Variants in SLC4A2 observed in about 807,000 individuals in gnomAD.
SLC4A2 encodes the protein anion exchange protein 2.
In SLC4A2, 36 loss-of-function variants were observed where a neutral mutation model predicts 115.0. That is an observed-to-expected ratio of 0.31 (90% CI 0.24 to 0.41). SLC4A2 has a LOEUF of 0.41. SLC4A2 is among the 10% of genes least tolerant of loss of function. The probability of loss-of-function intolerance (pLI) is 1.00; values close to 1 mark genes in which losing one functional copy is unlikely to be tolerated. For missense variants in SLC4A2, 1,252 were observed against 1,705.6 expected, an observed-to-expected ratio of 0.73 and a Z score of 4.68; for synonymous variants, 708 against 708.3, an observed-to-expected ratio of 1.00 and a Z score of 0.01.
At position 151,070,409 on chromosome 7, in the gene SLC4A2, C is replaced by T. The variant is rs377445613; in HGVS notation, c.1450-48C>T. ...GGCTGAGGAAGCCTGGGTGTGGACT[C>T]AGAGTGGGAGGGGCCTGGCTGGGCT... is the stretch of plus-strand genomic sequence containing the variant. On this transcript the variant is annotated intron_variant, in intron 10 of 22. Transcript: ENST00000413384. The T allele has an allele frequency of 1.9e-6, 3 of 1,611,654 alleles. No individual in the cohort carries two copies. The African/African-American group carries it at 4.0e-5, about 22-fold the overall frequency.
In SLC4A2 at chr7:151,071,394, C is replaced by T. The variant is rs1797433985; in HGVS notation, c.1980C>T (p.Leu660=). The change falls in exon 14 of 23, where the codon CTC becomes CTT. Residue 660 remains leucine (L), a synonymous_variant. Coordinates refer to ENST00000413384, the MANE Select transcript of SLC4A2 (RefSeq NM_003040.4). The surrounding 1 kb of genome is among the most constrained non-coding windows in gnomAD (Gnocchi z 5.5). ...TGACGGAGGCCTGGGTTGCAGCGCT[C>T]CTGCAGATGGTAGAGGCGGCAGGGG... ...LEPKSAQDKA[L]LQMVEAAGAA... is the part of the protein sequence containing the mutation. 12 of 1,593,988 alleles carry T rather than the reference C, an allele frequency of 7.5e-6. No homozygotes were observed. The highest frequency in any genetic ancestry group is 1.7e-5 in the Admixed American group (1 of 58,864).
At position 151,060,918 on chromosome 7, in the gene SLC4A2, A is replaced by T. The variant is rs558645487; in HGVS notation, c.-63-1007A>T. ...CAGTCCCCAGCAACACACTGGGAGC[A>T]TGGGTTGTTGGGTACCGTCACTTTT... On this transcript the variant is annotated intron_variant, in intron 1 of 22. Transcript: ENST00000413384. This position sits in a 1 kb window ranked among gnomAD's most constrained non-coding sequence, Gnocchi z 5.9. 2.6e-5 allele frequency among the ~76,000 whole-genome samples: 4 copies of T among 152,234 alleles called. No individual in the cohort carries two copies. The highest frequency in any genetic ancestry group is 4.2e-4 in the South Asian group (2 of 4,816).
At position 151,064,221 on chromosome 7, in the gene SLC4A2, G is replaced by A; in HGVS notation, c.71G>A (p.Gly24Asp). Residue 24 changes from glycine to aspartate, a missense_variant, in exon 3 of 23, where the codon GGC becomes GAC. Physicochemically the swap from Gly to Asp is moderately conservative, Grantham distance 94. This residue lies in a region of SLC4A2 where 74 missense variants were observed against 85.3 expected (regional missense o/e 0.87). Coordinates refer to ENST00000413384, the MANE Select transcript of SLC4A2 (RefSeq NM_003040.4). ...SFCTPEPESL[G>D]PGTPGFPEQE... ...TCACAGCCAGAGCCAGAGAGCTTGGGCCCTGGGACGCCTGGGTTCCCCGAG... is the reference window on the plus strand; with the variant it reads ...TCACAGCCAGAGCCAGAGAGCTTGGACCCTGGGACGCCTGGGTTCCCCGAG... 6.2e-7 allele frequency: 1 copy of A among 1,612,424 alleles called. No homozygotes were observed. Among genetic ancestry groups the A allele is most frequent in the Non-Finnish European group, 8.5e-7 (1 of 1,179,952 alleles).
rs1257764118 is a variant in SLC4A2, at chr7:151,074,159, G to A, written c.2656G>A (p.Ala886Thr). 2.5e-6 allele frequency: 4 copies of A among 1,612,736 alleles called. No individual in the cohort carries two copies. Among genetic ancestry groups the A allele is most frequent in the East Asian group, 2.2e-5 (1 of 44,894 alleles). ...GCTGGGGCCGGGCAACAGGAGCTTG[G>A]CTGGGCAGTCTGGGCAGGGGAAGCC... ...PTLGPGNRSL[A>T]GQSGQGKPRG... The change falls in exon 17 of 23, where the codon GCT becomes ACT. Residue 886 changes from alanine to threonine, a missense_variant. This residue lies in a region of SLC4A2 where 55 missense variants were observed against 48.6 expected (regional missense o/e 1.13). Coordinates refer to ENST00000413384, the MANE Select transcript of SLC4A2 (RefSeq NM_003040.4).
Position 151,063,096 on chromosome 7 carries a change from G to A in SLC4A2, c.51+1058G>A, listed in dbSNP as rs1797108322. ...CTGGACCAAGGCTGCCTGGCCAGGC[G>A]GCTGCCGCTTAGCTGGGCTGAGCTC... is the stretch of plus-strand genomic sequence containing the variant. On this transcript the variant is annotated intron_variant, in intron 2 of 22. Transcript: ENST00000413384. The A allele has an allele frequency of 3.9e-6, 6 of 1,523,964 alleles. No homozygotes were observed. The South Asian group carries it at 7.2e-5, about 18-fold the overall frequency. The allele number at this position is 1,523,964 out of a possible 1,614,324, so 94.4% of individuals were successfully genotyped here.
chr7:151,070,977 T>C (rs771995001), intron 12 of SLC4A2, 66 bp downstream of exon 12: 47 of 1,591,352 alleles, frequency 3.0e-5, no homozygotes, highest in Middle Eastern at 1.7e-4. Context: ...TTGATCCCCA[T>C]GACTGCCTCC....
intron 10 of SLC4A2, 44 bp from the exon 11 acceptor site, chr7:151,070,413 G>T (rs1166330214): frequency 6.2e-7 from 1 of 1,612,026 alleles, no homozygotes; most frequent in Non-Finnish European, 8.5e-7. Context: ...TGGACTCAGA[G>T]TGGGAGGGGC....
At chr7:151,073,261 ATTTTATT>A (rs1022093787) in intron 16 of SLC4A2, among the ~76,000 whole-genome samples, 19 of 80,352 alleles carry the variant, frequency 2.4e-4, no homozygotes, top group Non-Finnish European at 4.3e-4. Flanking sequence ...TCTTTATTTT[ATTTTATT>A]TTATTTTATT....
In SLC4A2 at chr7:151,074,113, A is replaced by T. The variant is rs757864334; in HGVS notation, c.2610A>T (p.Thr870=). The T allele has an allele frequency of 2.5e-6, 4 of 1,611,772 alleles. No homozygotes were observed. Among genetic ancestry groups the T allele is most frequent in the Non-Finnish European group, 3.4e-6 (4 of 1,179,386 alleles). Residue 870 remains threonine, a synonymous_variant, in exon 17 of 23, where the codon ACA becomes ACT. Coordinates refer to ENST00000413384, the MANE Select transcript of SLC4A2 (RefSeq NM_003040.4). ...AGGTGGACGGCGGTGAGAACATGAC[A>T]TGGGCCGGGGCAAGACCCACGCTGG... ...SSEVDGGENM[T]WAGARPTLGP...
intron 2 of SLC4A2, 35 bp downstream of exon 2, chr7:151,062,073 C>T (rs772049353): frequency 1.0e-5 from 16 of 1,591,456 alleles, no homozygotes; most frequent in East Asian, 6.7e-5. Context: ...GCCCAACCTT[C>T]CCTCCCTGGG....
chr7:151,072,011 G>T lies in SLC4A2; in HGVS notation c.2410G>T (p.Ala804Ser). 6.2e-7 allele frequency: 1 copy of T among 1,613,554 alleles called. No individual in the cohort carries two copies. The highest frequency in any genetic ancestry group is 2.2e-5 in the East Asian group (1 of 44,826). Reference protein sequence around the residue: ...VWIGFWLVFLALLMVALEGSF... With the variant: ...VWIGFWLVFLSLLMVALEGSF... ...GATCGGCTTCTGGCTGGTGTTCCTG[G>T]CCCTGCTCATGGTGGCCCTGGAGGG... Residue 804 changes from alanine (A) to serine (S), a missense_variant, in exon 16 of 23, where the codon GCC becomes TCC. Ala to Ser is a moderately conservative substitution (Grantham distance 99). This residue lies in a region of SLC4A2 where 118 missense variants were observed against 203.3 expected (regional missense o/e 0.58). Transcript: ENST00000413384.
Position 151,071,171 on chromosome 7 carries a change from G to T in SLC4A2, c.1849G>T (p.Val617Leu), listed in dbSNP as rs755194297. Residue 617 changes from valine (V) to leucine (L), a missense_variant, in exon 13 of 23, where the codon GTG (valine) becomes TTG (leucine). Transcript: ENST00000413384. The surrounding 1 kb of genome is among the most constrained non-coding windows in gnomAD (Gnocchi z 5.5). ...DCSVVLPPSEVQGEELLRSVA... is the reference protein window; with the variant it reads ...DCSVVLPPSELQGEELLRSVA... ...CAGCGTGGTGCTGCCGCCTTCAGAA[G>T]TGCAGGGCGAGGAGCTGCTGCGCTC... The T allele has an allele frequency of 1.2e-6, 2 of 1,612,168 alleles. No homozygotes were observed. The highest frequency in any genetic ancestry group is 1.7e-6 in the Non-Finnish European group (2 of 1,179,588).
In SLC4A2 at chr7:151,064,522, G is replaced by T. The variant is rs540703329; in HGVS notation, c.218-4G>T. On this transcript the variant is annotated splice_region_variant and splice_polypyrimidine_tract_variant and intron_variant, in intron 3 of 22. Transcript: ENST00000413384. ...CCACAGCCAAGTCCCCCTCCTCCCTGCAGACCACCGCCAGTCCTCCCACCA... is the reference window on the plus strand; with the variant it reads ...CCACAGCCAAGTCCCCCTCCTCCCTTCAGACCACCGCCAGTCCTCCCACCA... 4.5e-5 allele frequency: 73 copies of T among 1,608,252 alleles called. 1 individual carries two copies. In the South Asian group the frequency reaches 8.1e-4, roughly 18 times the overall value.
chr7:151,067,451 G>C (rs1563348729), intron 7 of SLC4A2, among the ~76,000 whole-genome samples: 1 of 152,208 alleles, frequency 6.6e-6, no homozygotes, highest in Non-Finnish European at 1.5e-5. Context: ...ACATCTTAGA[G>C]CTTATTGACT....
intron 19 of SLC4A2, 176 bp from the exon 20 acceptor site, chr7:151,075,079 A>C (rs779149242): frequency 9.8e-7 from 1 of 1,023,516 alleles, no homozygotes; most frequent in Non-Finnish European, 1.5e-6. Context: ...GTCATGGACG[A>C]TAAGGGCTGG....
intron 5 of SLC4A2, among the ~76,000 whole-genome samples, chr7:151,065,628 C>T (rs186916665): frequency 6.6e-6 from 1 of 152,262 alleles, no homozygotes; most frequent in East Asian, 1.9e-4. Context: ...TGAAGGGCTG[C>T]GGGAAGTGAA....
intron 1 of SLC4A2, chr7:151,061,641 A>G (rs1274620491): frequency 4.5e-5 from 13 of 289,874 alleles, no homozygotes; most frequent in Middle Eastern, 9.6e-4. Flanking sequence ...CTGGGCCTTG[A>G]CTCCTTTCTC....
At position 151,074,479 on chromosome 7, in the gene SLC4A2, C is replaced by G; in HGVS notation, c.2871C>G (p.Thr957=). The part of the protein sequence containing the change: ...MVLVDYSIED[T]YTQKLSVPSG... ...TTGTGGATTACAGTATTGAGGACAC[C>G]TATACCCAGGTAAGGTGCTGCCCAC... Residue 957 remains threonine, a synonymous_variant, in exon 18 of 23, where the codon ACC becomes ACG. Transcript: ENST00000413384. 1 of 1,613,948 alleles carries G rather than the reference C, an allele frequency of 6.2e-7. No individual in the cohort carries two copies. Among genetic ancestry groups the G allele is most frequent in the South Asian group, 1.1e-5 (1 of 91,080 alleles).
intron 2 of SLC4A2, chr7:151,062,770 T>G (rs1797095607): frequency 1.5e-6 from 2 of 1,366,758 alleles, no homozygotes; most frequent in South Asian, 1.7e-5. Context: ...GGCTGGGCGC[T>G]TAGGGGAGCC....
Sources: gnomAD v4.1 joint callset for allele counts (sites outside exome capture counted in the v4.1 genomes callset) on GRCh38, gnomAD v4.1.1 for gene constraint, gnomAD v4.1.1 regional missense constraint, Gnocchi (gnomAD v3.1) non-coding constraint, MANE v1.5 for transcripts, NCBI Gene and HGNC (gene_info 2026-07-23, HGNC 2026-07-21) for gene names.